CCNYL1: variants seen among roughly 807,000 people sequenced by gnomAD.
The protein encoded by CCNYL1 is cyclin-Y-like protein 1.
In CCNYL1, 16 loss-of-function variants were observed where a neutral mutation model predicts 44.2. The observed-to-expected ratio is 0.36, with a 90% CI of 0.25 to 0.55. The LOEUF is 0.55. CCNYL1 is among the 20% of genes least tolerant of loss of function. The pLI, the probability that CCNYL1 is intolerant of heterozygous loss-of-function variation, is 0.85. For missense variants in CCNYL1, 348 were observed against 451.8 expected (o/e 0.77, Z 2.08); for synonymous variants, 159 against 163.2 (o/e 0.97, Z 0.20).
intron 2 of CCNYL1, 113 bp downstream of exon 2, chr2:207,724,987 T>C: frequency 1.3e-6 from 1 of 780,252 alleles, no homozygotes; most frequent in East Asian, 2.8e-5. Flanking sequence ...TAAAATTTTC[T>C]TTTCATATGT....
At chr2:207,718,362 G>A (rs2091613412) in intron 1 of CCNYL1, among the ~76,000 whole-genome samples, 2 of 152,014 alleles carry the variant, frequency 1.3e-5, no homozygotes, top group South Asian at 4.2e-4. Flanking sequence ...AAGTAAATTA[G>A]CCAGGTGTGG....
At chr2:207,713,874 T>C (rs190233336) in intron 1 of CCNYL1, among the ~76,000 whole-genome samples, 26 of 152,324 alleles carry the variant, frequency 1.7e-4, no homozygotes, top group African/African-American at 5.8e-4. Flanking sequence ...TGTGAAAACT[T>C]AATGCTCTCT....
intron 8 of CCNYL1, among the ~76,000 whole-genome samples, chr2:207,747,427 T>G (rs2091861978): frequency 6.6e-6 from 1 of 152,154 alleles, no homozygotes. Context: ...CCATCATTAC[T>G]TGGTAGGTTT....
intron 5 of CCNYL1, among the ~76,000 whole-genome samples, chr2:207,739,937 T>C (rs2091795735): frequency 6.6e-6 from 1 of 152,138 alleles, no homozygotes; most frequent in Non-Finnish European, 1.5e-5. Flanking sequence ...AATACCTTAG[T>C]ATTCTTTTTT....
intron 3 of CCNYL1, among the ~76,000 whole-genome samples, chr2:207,728,413 C>T (rs2091697190): frequency 6.6e-6 from 1 of 152,034 alleles, no homozygotes; most frequent in Non-Finnish European, 1.5e-5. Flanking sequence ...GTAACTGGGA[C>T]TACAGGCATG....
intron 9 of CCNYL1, 138 bp from the exon 10 acceptor site, chr2:207,753,450 T>C (rs2091909315): frequency 1.7e-6 from 1 of 586,082 alleles, no homozygotes; most frequent in Admixed American, 2.9e-5. Context: ...AACCTGGCAG[T>C]GTAAAACTCA....
At chr2:207,716,375 T>C (rs1183249199) in intron 1 of CCNYL1, among the ~76,000 whole-genome samples, 1 of 152,058 alleles carries the variant, frequency 6.6e-6, no homozygotes, top group Non-Finnish European at 1.5e-5. Context: ...AATAATATGT[T>C]TGATGTAAAA....
intron 5 of CCNYL1, among the ~76,000 whole-genome samples, chr2:207,739,190 G>C (rs1298343752): frequency 6.6e-6 from 1 of 152,004 alleles, no homozygotes; most frequent in African/African-American, 2.4e-5. Flanking sequence ...GCAACAAATA[G>C]TGTTATTTTC....
chr2:207,738,382 G>A (rs1351999484), intron 5 of CCNYL1, among the ~76,000 whole-genome samples: 2 of 152,046 alleles, frequency 1.3e-5, no homozygotes, highest in African/African-American at 4.8e-5. Context: ...CACCACGCCT[G>A]GCTAATTTTT....
rs148269859 is a variant in CCNYL1, at chr2:207,743,141, T to C, written c.639+799T>C. 2.4e-4 allele frequency among the ~76,000 whole-genome samples: 37 copies of C among 152,326 alleles called. No individual in the cohort carries two copies. The East Asian group carries it at 6.4e-3, about 26-fold the overall frequency. ...GAGAGAAGGCTTCTGTGCACTTGAATAGAAGCCCCTCAGTGGGTACTGGAT... is the reference window on the plus strand; with the variant it reads ...GAGAGAAGGCTTCTGTGCACTTGAACAGAAGCCCCTCAGTGGGTACTGGAT... On this transcript the variant is annotated intron_variant, in intron 7 of 9. Coordinates refer to ENST00000295414, the MANE Select transcript of CCNYL1 (RefSeq NM_001330218.2).
intron 3 of CCNYL1, 58 bp downstream of exon 3, chr2:207,726,934 A>G: frequency 1.6e-6 from 2 of 1,250,052 alleles, no homozygotes; most frequent in South Asian, 3.2e-5. Context: ...TATGTCTGTC[A>G]TGATTCCATA....
Position 207,754,786 on chromosome 2 carries a change from A to T in CCNYL1, c.*1088A>T, listed in dbSNP as rs754702959. On this transcript the variant is annotated 3_prime_UTR_variant, in exon 10 of 10. Coordinates refer to ENST00000295414, the MANE Select transcript of CCNYL1 (RefSeq NM_001330218.2). ...ACAAGTAGCTGGGACTACAAGTGCA[A>T]CTGGCACCTGTCTCCTGAATATTAA... 1 of 154,170 alleles carries T rather than the reference A, an allele frequency of 6.5e-6. No homozygotes were observed. The highest frequency in any genetic ancestry group is 1.9e-4 in the East Asian group (1 of 5,142). 9.6% of individuals were successfully genotyped at this position (154,170 alleles called of 1,614,324 possible). A position where few individuals can be genotyped will look rare whatever the true frequency, so the allele number is the denominator to read the frequency against.
At chr2:207,721,601 G>A (rs780364015) in intron 1 of CCNYL1, among the ~76,000 whole-genome samples, 2 of 152,096 alleles carry the variant, frequency 1.3e-5, no homozygotes, top group African/African-American at 2.4e-5. Flanking sequence ...ATACTATCAT[G>A]CTTTCGAATT....
rs144247719 is a variant in CCNYL1 at position 207,726,067 on chromosome 2, CACAG to C, written c.296-769_296-766del. Among the ~76,000 whole-genome samples, 21 of 152,284 alleles carry C rather than the reference CACAG, an allele frequency of 1.4e-4. No individual in the cohort carries two copies. In the East Asian group the frequency reaches 3.1e-3, roughly 22 times the overall value. Reference sequence around the variant, plus strand: ...TTCTTTCAGAGCCATAGGCTTCTCACACAGACAGAGTGTGGAAGCAGTAAAAGAA... The same window carrying C: ...TTCTTTCAGAGCCATAGGCTTCTCACACAGAGTGTGGAAGCAGTAAAAGAA... On this transcript the variant is annotated intron_variant, in intron 2 of 9. Coordinates refer to ENST00000295414, the MANE Select transcript of CCNYL1 (RefSeq NM_001330218.2).
intron 1 of CCNYL1, among the ~76,000 whole-genome samples, chr2:207,716,925 C>T (rs1377384093): frequency 3.3e-5 from 5 of 151,958 alleles, no homozygotes; most frequent in South Asian, 4.1e-4. Context: ...CTGGCTAACA[C>T]GGTGAAACCC....
chr2:207,721,568 T>C (rs2091640103), intron 1 of CCNYL1, among the ~76,000 whole-genome samples: 1 of 152,236 alleles, frequency 6.6e-6, no homozygotes, highest in Admixed American at 6.5e-5. Flanking sequence ...TTTAATTTTT[T>C]TTTGTCTTAC....
intron 1 of CCNYL1, among the ~76,000 whole-genome samples, chr2:207,716,909 A>T (rs1027859839): frequency 6.6e-6 from 1 of 152,128 alleles, no homozygotes; most frequent in Non-Finnish European, 1.5e-5. Context: ...GGAGATCGAG[A>T]CCATCCTGGC....
chr2:207,730,159 T>G (rs1477917819), intron 3 of CCNYL1, among the ~76,000 whole-genome samples: 1 of 152,212 alleles, frequency 6.6e-6, no homozygotes, highest in Non-Finnish European at 1.5e-5. Context: ...GTAGTTTTTT[T>G]TCCCATTTCC....
chr2:207,742,051 T>C (rs952876351), intron 6 of CCNYL1, among the ~76,000 whole-genome samples, 172 bp from the exon 7 acceptor site: 5 of 149,816 alleles, frequency 3.3e-5, no homozygotes, highest in African/African-American at 1.2e-4. Context: ...CTCAGGAGGC[T>C]GAGGCAGGAG....
Sources: allele counts gnomAD v4.1 joint callset (sites outside exome capture counted in the v4.1 genomes callset), GRCh38; gene constraint gnomAD v4.1.1; transcripts MANE v1.5; gene names NCBI Gene and HGNC (gene_info 2026-07-23, HGNC 2026-07-21).